PARD3B: variants seen among roughly 807,000 people sequenced by gnomAD.
PARD3B encodes par-3 family cell polarity regulator beta.
PARD3B carries 103 observed loss-of-function variants against 130.2 expected under a neutral mutation model. The ratio of observed to expected loss-of-function variants is 0.79; its 90% CI spans 0.67 to 0.93. The LOEUF is 0.93. Ranked by LOEUF, PARD3B falls within the 40% of genes least tolerant of loss-of-function variation. PARD3B has a pLI of 0.00. For synonymous variants in PARD3B, 583 were observed against 553.2 expected (o/e 1.05, Z -0.76); for missense variants, 1,609 against 1,499.2 (o/e 1.07, Z -1.21).
intron 4 of PARD3B, among the ~76,000 whole-genome samples, chr2:205,053,641 CAAAA>C (rs777534366): frequency 1.7e-5 from 2 of 115,108 alleles, no homozygotes; most frequent in African/African-American, 3.2e-5. Context: ...AACTCCATCT[CAAAA>C]AAAAAAAAAA....
chr2:204,892,498 T>C (rs1036437165), intron 2 of PARD3B, among the ~76,000 whole-genome samples: 3 of 152,198 alleles, frequency 2.0e-5, no homozygotes, highest in Non-Finnish European at 4.4e-5. Context: ...GTGGCTACCT[T>C]GAATTGAGAT....
intron 20 of PARD3B, among the ~76,000 whole-genome samples, chr2:205,457,607 C>T (rs954117851): frequency 6.6e-6 from 1 of 151,924 alleles, no homozygotes; most frequent in South Asian, 2.1e-4. Flanking sequence ...TGTAATGTGG[C>T]AAATTCTCTG....
At chr2:205,363,238 T>C (rs1204433393) in intron 18 of PARD3B, among the ~76,000 whole-genome samples, 1 of 151,936 alleles carries the variant, frequency 6.6e-6, no homozygotes, top group Non-Finnish European at 1.5e-5. Context: ...GAAGTCAGAG[T>C]ATCACAAAAC....
intron 13 of PARD3B, among the ~76,000 whole-genome samples, chr2:205,181,255 T>C (rs1237291249): frequency 1.3e-5 from 2 of 152,192 alleles, no homozygotes; most frequent in South Asian, 2.1e-4. Context: ...TTCTAATGTG[T>C]ATCTTTCTGG....
intron 18 of PARD3B, among the ~76,000 whole-genome samples, chr2:205,349,785 T>C (rs1370173969): frequency 7.1e-6 from 1 of 139,898 alleles, no homozygotes; most frequent in Non-Finnish European, 1.5e-5. Flanking sequence ...AGGAAATGTA[T>C]CTTTTTCTTT....
intron 2 of PARD3B, among the ~76,000 whole-genome samples, chr2:204,779,535 A>G (rs1286758638): frequency 6.6e-6 from 1 of 152,224 alleles, no homozygotes; most frequent in Non-Finnish European, 1.5e-5. Context: ...AACATGGAAC[A>G]TTCTGATGAT....
rs2033897701 is a variant in PARD3B at position 204,610,950 on chromosome 2, C to A, written c.120+64831C>A. 6.6e-6 allele frequency among the ~76,000 whole-genome samples: 1 copy of A among 152,126 alleles called. No individual in the cohort carries two copies. Among genetic ancestry groups the A allele is most frequent in the South Asian group, 2.1e-4 (1 of 4,828 alleles). ...ACAATGTACACTGAAAATGATTGTTCCCAAACTGCATTTCCTGCTTTTCGA... is the reference window on the plus strand; with the variant it reads ...ACAATGTACACTGAAAATGATTGTTACCAAACTGCATTTCCTGCTTTTCGA... On this transcript the variant is annotated intron_variant, in intron 1 of 22. Transcript: ENST00000406610. This position sits in a 1 kb window ranked among gnomAD's most constrained non-coding sequence, Gnocchi z 4.1.
In PARD3B at chr2:205,183,811, T is replaced by G. The variant is rs1576109713; in HGVS notation, c.1925-1953T>G. ...GATAAGGAATTGGCTCACATGGCCATGGAGACAGGCACATCCCAGGATCTG... is the reference window on the plus strand; with the variant it reads ...GATAAGGAATTGGCTCACATGGCCAGGGAGACAGGCACATCCCAGGATCTG... On this transcript the variant is annotated intron_variant, in intron 13 of 22. Transcript: ENST00000406610. The surrounding 1 kb of genome is among the most constrained non-coding windows in gnomAD (Gnocchi z 5.2). 6.6e-6 allele frequency among the ~76,000 whole-genome samples: 1 copy of G among 150,964 alleles called. No homozygotes were observed. The highest frequency in any genetic ancestry group is 2.4e-5 in the African/African-American group (1 of 40,980).
At chr2:204,603,588 G>A (rs2033598158) in intron 1 of PARD3B, among the ~76,000 whole-genome samples, 2 of 151,618 alleles carry the variant, frequency 1.3e-5, no homozygotes, top group South Asian at 2.1e-4. Flanking sequence ...GGACATTTTT[G>A]TCGTCCTTAT....
chr2:205,192,206 C>T (rs1444221488), intron 14 of PARD3B, among the ~76,000 whole-genome samples: 7 of 152,146 alleles, frequency 4.6e-5, no homozygotes, highest in Non-Finnish European at 1.0e-4. Flanking sequence ...TTCTCTTGTA[C>T]ATTTTAGAAG....
intron 2 of PARD3B, among the ~76,000 whole-genome samples, chr2:204,778,138 C>A (rs1430079456): frequency 6.9e-6 from 1 of 144,290 alleles, no homozygotes; most frequent in Non-Finnish European, 1.5e-5. Flanking sequence ...GGCTAACACA[C>A]CCTCTATCAA....
At chr2:204,588,236 T>A (rs896924893) in intron 1 of PARD3B, among the ~76,000 whole-genome samples, 13 of 152,198 alleles carry the variant, frequency 8.5e-5, no homozygotes, top group Non-Finnish European at 1.6e-4. Context: ...TTAAGATTCT[T>A]TTATGCAGAA....
chr2:205,066,927 T>C (rs146077896), intron 4 of PARD3B, among the ~76,000 whole-genome samples: 1 of 151,986 alleles, frequency 6.6e-6, no homozygotes, highest in Non-Finnish European at 1.5e-5. Context: ...TGGAGTCAGC[T>C]TCCCCTGAAT....
intron 1 of PARD3B, among the ~76,000 whole-genome samples, chr2:204,640,235 A>C (rs1189836424): frequency 6.6e-6 from 1 of 152,096 alleles, no homozygotes; most frequent in Non-Finnish European, 1.5e-5. Context: ...CAACCTGTGC[A>C]ACAGAGTGAG....
intron 21 of PARD3B, among the ~76,000 whole-genome samples, chr2:205,502,646 G>C (rs9973667): frequency 0.94 from 142,680 of 152,112 alleles, 67,588 homozygotes; most frequent in East Asian, 1. Flanking sequence ...TCTGAACTAT[G>C]GAGAAGGAAA....
intron 10 of PARD3B, among the ~76,000 whole-genome samples, chr2:205,151,517 T>C (rs369640755): frequency 6.6e-6 from 1 of 152,272 alleles, no homozygotes; most frequent in East Asian, 1.9e-4. Flanking sequence ...CATTATGTAA[T>C]GACCTTCTTT....
At chr2:204,863,704 A>C (rs1475454844) in intron 2 of PARD3B, among the ~76,000 whole-genome samples, 1 of 152,204 alleles carries the variant, frequency 6.6e-6, no homozygotes, top group Non-Finnish European at 1.5e-5. Flanking sequence ...GGCCATATAG[A>C]TAGAAAAGCA....
intron 15 of PARD3B, among the ~76,000 whole-genome samples, chr2:205,226,178 A>T (rs908355213): frequency 1.8e-4 from 27 of 152,112 alleles, no homozygotes; most frequent in Non-Finnish European, 3.5e-4. Context: ...AGTAGCTGGG[A>T]CTACAGGTGC....
chr2:204,757,008 G>A (rs1318726154), intron 2 of PARD3B, among the ~76,000 whole-genome samples: 3 of 152,124 alleles, frequency 2.0e-5, no homozygotes, highest in Non-Finnish European at 4.4e-5. Flanking sequence ...GTGAGAACAT[G>A]CAGTATTTGG....
Sources: allele counts gnomAD v4.1 joint callset (sites outside exome capture counted in the v4.1 genomes callset), GRCh38; gene constraint gnomAD v4.1.1; non-coding constraint Gnocchi (gnomAD v3.1); transcripts MANE v1.5; gene names NCBI Gene and HGNC (gene_info 2026-07-23, HGNC 2026-07-21).